The following NXN variants were observed in gnomAD, a reference collection of about 807,000 sequenced individuals.
NXN encodes the protein nucleoredoxin.
A neutral mutation model predicts 48.6 loss-of-function variants in NXN; 16 were observed. The ratio of observed to expected loss-of-function variants is 0.33; its 90% CI spans 0.22 to 0.50. The LOEUF is 0.50. Among genes scored for constraint, NXN ranks in the 20% least tolerant of loss-of-function variants. The pLI, the probability that NXN is intolerant of heterozygous loss-of-function variation, is 0.98. For synonymous variants in NXN, 281 were observed against 269.6 expected, an observed-to-expected ratio of 1.04 and a Z score of -0.41; for missense variants, 492 against 605.5, an observed-to-expected ratio of 0.81 and a Z score of 1.97.
intron 2 of NXN, among the ~76,000 whole-genome samples, chr17:824,390 T>A (rs1349215602): frequency 1.3e-5 from 2 of 152,158 alleles, no homozygotes; most frequent in Admixed American, 6.5e-5. Context: ...GGCCACATCC[T>A]GAGGCTGGAG....
chr17:910,425 A>C (rs1035287561), intron 1 of NXN, among the ~76,000 whole-genome samples: 1 of 151,698 alleles, frequency 6.6e-6, no homozygotes. Flanking sequence ...AAAAAAAAAA[A>C]GTTCTAATCT....
chr17:833,154 A>G (rs570542731), intron 1 of NXN, among the ~76,000 whole-genome samples: 72 of 152,034 alleles, frequency 4.7e-4, no homozygotes, highest in Admixed American at 2.1e-3. Flanking sequence ...GCCTCCCAAA[A>G]TGCTGGGATT....
At chr17:804,974 G>A (rs1911405352) in intron 6 of NXN, 94 bp downstream of exon 6, 1 of 1,348,498 alleles carries the variant, frequency 7.4e-7, no homozygotes, top group Non-Finnish European at 1.0e-6. Flanking sequence ...GCTGGTGACA[G>A]AGAGAAGCGG....
chr17:890,947 G>A (rs572413476), intron 1 of NXN, among the ~76,000 whole-genome samples: 1 of 152,016 alleles, frequency 6.6e-6, no homozygotes, highest in Non-Finnish European at 1.5e-5. Context: ...TCACGAATAC[G>A]GCCCCTCCAT....
chr17:876,021 A>G (rs1164044069), intron 1 of NXN, among the ~76,000 whole-genome samples: 1 of 152,018 alleles, frequency 6.6e-6, no homozygotes, highest in Non-Finnish European at 1.5e-5. Flanking sequence ...GTCTCTACTA[A>G]AAATATAAAA....
chr17:925,171 G>A (rs1404533984), intron 1 of NXN, among the ~76,000 whole-genome samples: 1 of 151,992 alleles, frequency 6.6e-6, no homozygotes, highest in Non-Finnish European at 1.5e-5. Flanking sequence ...GAAAGAAGGG[G>A]TGGAAAGGAG....
intron 1 of NXN, among the ~76,000 whole-genome samples, chr17:951,216 A>G (rs751846075): frequency 3.6e-5 from 5 of 137,228 alleles, no homozygotes; most frequent in Admixed American, 7.6e-5. Context: ...TGGGCGTGGT[A>G]GCGGGCGCCT....
chr17:904,441 G>C (rs2068565336), intron 1 of NXN, among the ~76,000 whole-genome samples: 1 of 151,904 alleles, frequency 6.6e-6, no homozygotes, highest in South Asian at 2.1e-4. Flanking sequence ...GGGCTGTAAA[G>C]TCTCTCTCTC....
rs1473208480 is a variant in NXN at position 925,396 on chromosome 17, TTGAC to T, written c.360+53919_360+53922del. On this transcript the variant is annotated intron_variant, in intron 1 of 7. Coordinates refer to ENST00000336868, the MANE Select transcript of NXN (RefSeq NM_022463.5). ...GGAGAGGCTTCTGGCTTTTTCCTGA[TTGAC>T]TGACTGAGACAGAGTTTTGCTCTTA... Among the ~76,000 whole-genome samples the T allele has an allele frequency of 2.3e-3, 343 of 152,242 alleles. 7 individuals are homozygous for T. Among genetic ancestry groups the T allele is most frequent in the Non-Finnish European group, 5.1e-4 (35 of 68,004 alleles).
chr17:885,684 T>A, intron 1 of NXN, among the ~76,000 whole-genome samples: 1 of 22,892 alleles, frequency 4.4e-5, no homozygotes, highest in Non-Finnish European at 2.1e-4. Flanking sequence ...TTTTTTTTTT[T>A]TTTTTTTTTT....
intron 6 of NXN, 75 bp from the exon 7 acceptor site, chr17:803,881 G>A (rs1911340113): frequency 6.3e-7 from 1 of 1,591,464 alleles, no homozygotes; most frequent in South Asian, 1.1e-5. Flanking sequence ...CACCCGCCGA[G>A]GGGGCCTGAG....
intron 1 of NXN, among the ~76,000 whole-genome samples, chr17:872,281 CAG>C (rs1318206631): frequency 1.3e-5 from 2 of 148,258 alleles, no homozygotes; most frequent in Admixed American, 6.8e-5. Flanking sequence ...AGGAGAGAGA[CAG>C]AGGAACACGT....
chr17:850,646 G>A (rs1029888970), intron 1 of NXN, among the ~76,000 whole-genome samples: 15 of 152,154 alleles, frequency 9.9e-5, no homozygotes, highest in African/African-American at 3.6e-4. Flanking sequence ...CGGCGTGGGG[G>A]CCCCGGGAGC....
At chr17:827,626 A>T (rs1055312779) in intron 1 of NXN, among the ~76,000 whole-genome samples, 2 of 152,234 alleles carry the variant, frequency 1.3e-5, no homozygotes, top group African/African-American at 2.4e-5. Context: ...CCGTCTCAAA[A>T]AAATAAATAA....
At chr17:810,224 CGT>C in intron 5 of NXN, among the ~76,000 whole-genome samples, 1 of 69,426 alleles carries the variant, frequency 1.4e-5, no homozygotes, top group Non-Finnish European at 2.5e-5. Context: ...GTTACGAGTC[CGT>C]GTGAGTGGCG....
At chr17:947,499 G>A (rs904523350) in intron 1 of NXN, among the ~76,000 whole-genome samples, 1 of 151,774 alleles carries the variant, frequency 6.6e-6, no homozygotes, top group African/African-American at 2.4e-5. Flanking sequence ...GCAGGAGGCC[G>A]AGGTGGGCGG....
intron 1 of NXN, among the ~76,000 whole-genome samples, chr17:843,964 G>A (rs979515825): frequency 3.3e-5 from 5 of 152,254 alleles, no homozygotes; most frequent in Non-Finnish European, 5.9e-5. Flanking sequence ...TGAGGACTCC[G>A]TGGAGGGAAA....
At chr17:884,473 G>A (rs2068321299) in intron 1 of NXN, among the ~76,000 whole-genome samples, 1 of 152,142 alleles carries the variant, frequency 6.6e-6, no homozygotes, top group African/African-American at 2.4e-5. Flanking sequence ...TGCAGGGCAT[G>A]GTCAAAAAGA....
chr17:812,642 G>C (rs905920888), intron 5 of NXN, among the ~76,000 whole-genome samples: 1 of 142,812 alleles, frequency 7.0e-6, no homozygotes, highest in Non-Finnish European at 1.6e-5. Context: ...GTGTGTGTGA[G>C]TGTGCATGTG....
Sources: gnomAD v4.1 joint callset for allele counts (sites outside exome capture counted in the v4.1 genomes callset) on GRCh38, gnomAD v4.1.1 for gene constraint, MANE v1.5 for transcripts, NCBI Gene and HGNC (gene_info 2026-07-23, HGNC 2026-07-21) for gene names.